Variants in LRRK2 observed in about 807,000 individuals in gnomAD.
LRRK2 encodes leucine rich repeat kinase 2, also known as leucine-rich repeat serine/threonine-protein kinase 2.
Under a neutral mutation model 302.6 loss-of-function variants are expected in LRRK2, and 203 were observed. That is an observed-to-expected ratio of 0.67 (90% CI 0.60 to 0.75). The LOEUF is 0.75. Ranked by LOEUF, LRRK2 falls within the 30% of genes least tolerant of loss-of-function variation. The pLI, the probability that LRRK2 is intolerant of heterozygous loss-of-function variation, is 0.00. For synonymous variants in LRRK2, 1,066 were observed against 1,031.9 expected (o/e 1.03, Z -0.63); for missense variants, 2,830 against 2,951.0 (o/e 0.96, Z 0.95).
chr12:40,298,782 T>TATATATATATATA (rs1944482768), intron 24 of LRRK2, among the ~76,000 whole-genome samples: 1 of 107,280 alleles, frequency 9.3e-6, no homozygotes, highest in African/African-American at 3.6e-5. Flanking sequence ...CAAAGAAATA[T>TATATATATATATA]ATATATATAT....
intron 41 of LRRK2, among the ~76,000 whole-genome samples, chr12:40,340,796 A>G (rs1946015307): frequency 6.6e-6 from 1 of 152,218 alleles, no homozygotes; most frequent in African/African-American, 2.4e-5. Flanking sequence ...GGCACTTGTG[A>G]GGCAAATCAA....
At chr12:40,273,355 GTAT>G (rs1458461625) in intron 14 of LRRK2, among the ~76,000 whole-genome samples, 1 of 152,152 alleles carries the variant, frequency 6.6e-6, no homozygotes, top group Non-Finnish European at 1.5e-5. Context: ...GGGAGACTAT[GTAT>G]TATTAAGATG....
At chr12:40,312,286 C>T (rs1010702518) in intron 31 of LRRK2, among the ~76,000 whole-genome samples, 7 of 152,008 alleles carry the variant, frequency 4.6e-5, no homozygotes, top group African/African-American at 1.4e-4. Context: ...TGAGAAATAC[C>T]AGTATTATTG....
chr12:40,363,273 C>CA, intron 47 of LRRK2, 129 bp from the exon 48 acceptor site: 1 of 751,798 alleles, frequency 1.3e-6, no homozygotes, highest in South Asian at 1.8e-5. Flanking sequence ...GAAATAATTG[C>CA]AATAGTCTAG....
chr12:40,366,940 C>T, intron 49 of LRRK2, 66 bp from the exon 50 acceptor site: 1 of 1,250,468 alleles, frequency 8.0e-7, no homozygotes. Flanking sequence ...AACAACTTTA[C>T]TTTTTTTTCA....
chr12:40,227,111 G>A (rs1016218195), intron 2 of LRRK2, among the ~76,000 whole-genome samples: 1 of 152,138 alleles, frequency 6.6e-6, no homozygotes, highest in African/African-American at 2.4e-5. Flanking sequence ...TAGTATTTCT[G>A]CCTAGAGAGT....
chr12:40,346,385 G>A (rs1033683730), intron 41 of LRRK2, among the ~76,000 whole-genome samples: 4 of 151,916 alleles, frequency 2.6e-5, no homozygotes, highest in African/African-American at 9.7e-5. Flanking sequence ...GTTAATATTA[G>A]GAACGAGAAA....
chr12:40,290,053 C>T (rs552708499), intron 20 of LRRK2, among the ~76,000 whole-genome samples: 1 of 152,006 alleles, frequency 6.6e-6, no homozygotes, highest in South Asian at 2.1e-4. Flanking sequence ...CTAATTATGA[C>T]ATTATCTGTA....
chr12:40,259,744 G>A (rs1942686431), intron 13 of LRRK2, 140 bp downstream of exon 13: 5 of 1,053,892 alleles, frequency 4.7e-6, no homozygotes, highest in South Asian at 2.8e-5. Flanking sequence ...AAACCAAAAA[G>A]AGGTTAAATA....
chr12:40,262,262 G>A (rs1365949784), intron 13 of LRRK2, among the ~76,000 whole-genome samples: 1 of 152,022 alleles, frequency 6.6e-6, no homozygotes, highest in Admixed American at 6.6e-5. Context: ...AAAGTATTAG[G>A]CATTGTTTGA....
At chr12:40,363,643 C>T (rs899730289) in intron 48 of LRRK2, 89 bp downstream of exon 48, 3 of 1,419,486 alleles carry the variant, frequency 2.1e-6, no homozygotes, top group African/African-American at 1.4e-5. Flanking sequence ...TCCTTTCTGC[C>T]TCTGAATAGA....
rs983646774 is a variant in LRRK2, at chr12:40,226,905, G to A, written c.237+1265G>A. Reference sequence around the variant, plus strand: ...TGGCCACCTTCATTCCCTAGACTCTGTACTTGATAGAGTCACTCCTGCTTG... The same window carrying A: ...TGGCCACCTTCATTCCCTAGACTCTATACTTGATAGAGTCACTCCTGCTTG... On this transcript the variant is annotated intron_variant, in intron 2 of 50. Coordinates refer to ENST00000298910, the MANE Select transcript of LRRK2 (RefSeq NM_198578.4). 8.0e-4 allele frequency among the ~76,000 whole-genome samples: 121 copies of A among 152,046 alleles called. 1 individual carries two copies. Among genetic ancestry groups the A allele is most frequent in the Admixed American group, 7.9e-3 (120 of 15,248 alleles).
intron 14 of LRRK2, among the ~76,000 whole-genome samples, chr12:40,273,793 TGA>T (rs1250570725): frequency 3.3e-5 from 5 of 152,200 alleles, no homozygotes; most frequent in African/African-American, 9.6e-5. Flanking sequence ...TGCTTGTGTG[TGA>T]AAAGGCAGAG....
intron 44 of LRRK2, among the ~76,000 whole-genome samples, chr12:40,353,588 C>A (rs561484098): frequency 6.6e-6 from 1 of 151,888 alleles, no homozygotes; most frequent in South Asian, 2.1e-4. Flanking sequence ...GGGTGGCGGC[C>A]GGGCAGAGGC....
intron 2 of LRRK2, among the ~76,000 whole-genome samples, chr12:40,226,408 T>A (rs1052033204): frequency 1.3e-5 from 2 of 152,234 alleles, no homozygotes; most frequent in Non-Finnish European, 2.9e-5. Flanking sequence ...ATCTGCATGT[T>A]AACTCATGCA....
intron 7 of LRRK2, among the ~76,000 whole-genome samples, chr12:40,244,413 A>T (rs1178913599): frequency 1.3e-5 from 2 of 152,022 alleles, no homozygotes; most frequent in Non-Finnish European, 2.9e-5. Flanking sequence ...TTTTCTATCC[A>T]TGGACATTTG....
intron 30 of LRRK2, 135 bp downstream of exon 30, chr12:40,309,368 T>C: frequency 8.5e-7 from 1 of 1,172,934 alleles, no homozygotes; most frequent in Non-Finnish European, 1.2e-6. Flanking sequence ...AAAGAAGCAC[T>C]AAAATTTTGA....
In LRRK2 at chr12:40,333,400, C is replaced by A. The variant is rs188535365; in HGVS notation, c.5758-1567C>A. 6.6e-5 allele frequency among the ~76,000 whole-genome samples: 10 copies of A among 152,250 alleles called. No homozygotes were observed. In the East Asian group the frequency reaches 1.9e-3, roughly 30 times the overall value. The stretch of plus-strand genomic sequence containing the variant: ...TAAGAAGCAGTGCTTCTGCAGCAAT[C>A]ACAGTTTAAAGCATGAATCAATTTA... On this transcript the variant is annotated intron_variant, in intron 39 of 50. Transcript: ENST00000298910.
At position 40,310,524 on chromosome 12, in the gene LRRK2, A is replaced by G. The variant is rs1329898377; in HGVS notation, c.4411A>G (p.Lys1471Glu). The G allele has an allele frequency of 6.2e-7, 1 of 1,612,992 alleles. No homozygotes were observed. Among genetic ancestry groups the G allele is most frequent in the Non-Finnish European group, 8.5e-7 (1 of 1,179,738 alleles). The change falls in exon 31 of 51, where the codon AAG (lysine) becomes GAG (glutamate). Residue 1471 changes from lysine to glutamate, a missense_variant. This residue lies in a region of LRRK2 where 2,121 missense variants were observed against 2,148.0 expected (regional missense o/e 0.99). Transcript: ENST00000298910. ...QRKACMSKIT[K>E]ELLNKRGFPA... ...CAAAGCCTGCATGAGTAAAATCACC[A>G]AGGAACTCCTGAATAAGCGAGGGTT...
Sources: allele counts gnomAD v4.1 joint callset (sites outside exome capture counted in the v4.1 genomes callset), GRCh38; gene constraint gnomAD v4.1.1; regional missense constraint gnomAD v4.1.1; transcripts MANE v1.5; gene names NCBI Gene and HGNC (gene_info 2026-07-23, HGNC 2026-07-21).